The following PXDNL variants were observed in gnomAD, a reference collection of about 807,000 sequenced individuals.
PXDNL encodes peroxidasin like.
A neutral mutation model predicts 150.8 loss-of-function variants in PXDNL; 145 were observed. That is an observed-to-expected ratio of 0.96 (90% confidence interval 0.84 to 1.10). The LOEUF (loss-of-function observed/expected upper bound fraction) is 1.10. Ranked by LOEUF, PXDNL falls within the 50% of genes least tolerant of loss-of-function variation. PXDNL has a pLI of 0.00. For missense variants in PXDNL, 2,087 were observed against 1,873.9 expected, an observed-to-expected ratio of 1.11 and a Z score of -2.10; for synonymous variants, 757 against 725.7, an observed-to-expected ratio of 1.04 and a Z score of -0.69.
At chr8:51,468,044 A>C (rs191436801) in intron 8 of PXDNL, among the ~76,000 whole-genome samples, 180 of 152,162 alleles carry the variant, frequency 1.2e-3, no homozygotes, top group African/African-American at 3.9e-3. Flanking sequence ...ATTTTTATGA[A>C]ATTGATTCTT....
chr8:51,590,676 T>G (rs1585603179), intron 3 of PXDNL, among the ~76,000 whole-genome samples: 1 of 152,206 alleles, frequency 6.6e-6, no homozygotes, highest in Admixed American at 6.5e-5. Flanking sequence ...GTAATGGGAA[T>G]GTCTATCACA....
intron 5 of PXDNL, among the ~76,000 whole-genome samples, chr8:51,488,373 G>A (rs35683928): frequency 0.19 from 28,542 of 152,018 alleles, 2,881 homozygotes; most frequent in Middle Eastern, 0.25. Context: ...GGCAGAGGAG[G>A]GAGAAGTGAG....
chr8:51,404,120 T>C (rs1808361913), intron 17 of PXDNL, among the ~76,000 whole-genome samples: 2 of 152,226 alleles, frequency 1.3e-5, no homozygotes, highest in African/African-American at 4.8e-5. Flanking sequence ...GGAATGAAGC[T>C]GCATACCCTT....
At position 51,320,820 on chromosome 8, in the gene PXDNL, G is replaced by A. The variant is rs770443496; in HGVS notation, c.4224C>T (p.Arg1408=). The A allele has an allele frequency of 3.1e-6, 5 of 1,613,898 alleles. No individual in the cohort carries two copies. In the East Asian group the frequency reaches 1.1e-4, roughly 36 times the overall value. ...AGTGAGTGCAGTCTTCTTTCATCCA[G>A]CGCTCCTCGGCCTTCCTTGGAACCC... ...VRGVPRKAEE[R]WMKEDCTHCI... is the part of the protein sequence containing the mutation. The change falls in exon 22 of 23, where the codon CGC becomes CGT. Residue 1408 remains arginine (R), a synonymous_variant. Coordinates refer to ENST00000356297, the MANE Select transcript of PXDNL (RefSeq NM_144651.5).
chr8:51,533,524 C>A (rs868624697), intron 4 of PXDNL, among the ~76,000 whole-genome samples: 3 of 139,006 alleles, frequency 2.2e-5, no homozygotes, highest in Non-Finnish European at 4.6e-5. Context: ...TCTCCCTCCA[C>A]GGTCTCCCTC....
chr8:51,495,280 A>G (rs1563437890), intron 5 of PXDNL, among the ~76,000 whole-genome samples: 1 of 152,214 alleles, frequency 6.6e-6, no homozygotes, highest in Non-Finnish European at 1.5e-5. Context: ...CATTCAAAGC[A>G]GTGTGTAGAG....
At chr8:51,701,946 G>T (rs1190787149) in intron 1 of PXDNL, among the ~76,000 whole-genome samples, 1 of 152,140 alleles carries the variant, frequency 6.6e-6, no homozygotes. Flanking sequence ...CCTGAAGCCT[G>T]AGCCCCATCC....
chr8:51,331,515 C>T (rs1043317637), intron 21 of PXDNL, among the ~76,000 whole-genome samples: 1 of 152,188 alleles, frequency 6.6e-6, no homozygotes, highest in Non-Finnish European at 1.5e-5. Flanking sequence ...ATCCGGCTTA[C>T]AGACATCACA....
intron 1 of PXDNL, among the ~76,000 whole-genome samples, chr8:51,744,926 GAAAAA>G (rs1159819263): frequency 5.7e-4 from 50 of 87,222 alleles, no homozygotes; most frequent in African/African-American, 2.4e-3. Context: ...AGGAAAGAAA[GAAAAA>G]GAAAGAAAGA....
At chr8:51,757,268 C>T (rs929332830) in intron 1 of PXDNL, among the ~76,000 whole-genome samples, 4 of 152,080 alleles carry the variant, frequency 2.6e-5, no homozygotes, top group Non-Finnish European at 5.9e-5. Context: ...TGAAAAATTG[C>T]AGTCATTATT....
At chr8:51,783,351 G>T (rs995918139) in intron 1 of PXDNL, among the ~76,000 whole-genome samples, 1 of 152,154 alleles carries the variant, frequency 6.6e-6, no homozygotes, top group African/African-American at 2.4e-5. Flanking sequence ...CTGCTGAGTC[G>T]AATAACACGT....
At chr8:51,555,958 G>A (rs995826719) in intron 4 of PXDNL, among the ~76,000 whole-genome samples, 5 of 152,016 alleles carry the variant, frequency 3.3e-5, no homozygotes, top group South Asian at 2.1e-4. Flanking sequence ...CTAAGATAGC[G>A]GTCAGTTTGA....
At position 51,453,581 on chromosome 8, in the gene PXDNL, A is replaced by G; in HGVS notation, c.1187T>C (p.Phe396Ser). Residue 396 changes from phenylalanine to serine, a missense_variant, in exon 10 of 23, where the codon TTT (phenylalanine) becomes TCT (serine). By Grantham distance (155) the Phe-to-Ser change is radical. Coordinates refer to ENST00000356297, the MANE Select transcript of PXDNL (RefSeq NM_144651.5). ...GTGGCTATTGTTGGCATGACAGGTAAATCGACCATGATCCCGTTGTGTGAT... is the reference window on the plus strand; with the variant it reads ...GTGGCTATTGTTGGCATGACAGGTAGATCGACCATGATCCCGTTGTGTGAT... The part of the protein sequence containing the change: ...QNITQRDHGR[F>S]TCHANNSHGT... 6.2e-7 allele frequency: 1 copy of G among 1,614,032 alleles called. No homozygotes were observed. Among genetic ancestry groups the G allele is most frequent in the Non-Finnish European group, 8.5e-7 (1 of 1,179,890 alleles).
intron 21 of PXDNL, among the ~76,000 whole-genome samples, chr8:51,321,469 CAA>C (rs1197185030): frequency 6.6e-6 from 1 of 152,032 alleles, no homozygotes; most frequent in Non-Finnish European, 1.5e-5. Flanking sequence ...TGTCCCCACC[CAA>C]TCTCATGTTG....
At chr8:51,360,338 C>T (rs1211232576) in intron 19 of PXDNL, among the ~76,000 whole-genome samples, 1 of 152,180 alleles carries the variant, frequency 6.6e-6, no homozygotes, top group Non-Finnish European at 1.5e-5. Flanking sequence ...TCTGCATATA[C>T]ACACCTGTAC....
chr8:51,565,007 G>T (rs1585583579), intron 3 of PXDNL, among the ~76,000 whole-genome samples: 1 of 151,860 alleles, frequency 6.6e-6, no homozygotes, highest in East Asian at 1.9e-4. Flanking sequence ...CAGTACGATG[G>T]TGAATAGGGA....
In PXDNL at chr8:51,535,729, A is replaced by AT. The variant is rs1209761188; in HGVS notation, c.380+21110dup. ...GAATGATCAATAAAAAAATAAATAA[A>AT]TAAATAAATAAAAATAAAGTTTGAG... On this transcript the variant is annotated intron_variant, in intron 4 of 22. Transcript: ENST00000356297. Among the ~76,000 whole-genome samples, 139 of 136,942 alleles carry AT rather than the reference A, an allele frequency of 1.0e-3. 1 individual carries two copies. Among genetic ancestry groups the AT allele is most frequent in the African/African-American group, 4.1e-3 (130 of 31,474 alleles). The allele number at this position is 136,942 out of a possible 152,430, so 89.8% of individuals were successfully genotyped here.
chr8:51,644,704 G>C (rs993693076), intron 2 of PXDNL, among the ~76,000 whole-genome samples: 1 of 151,522 alleles, frequency 6.6e-6, no homozygotes, highest in Non-Finnish European at 1.5e-5. Flanking sequence ...TGATCCACCC[G>C]CCTCGGCCTC....
At chr8:51,503,737 C>T (rs1473869179) in intron 4 of PXDNL, among the ~76,000 whole-genome samples, 1 of 152,162 alleles carries the variant, frequency 6.6e-6, no homozygotes, top group East Asian at 1.9e-4. Flanking sequence ...GAAATTATTG[C>T]CATTGTCATG....
Sources: gnomAD v4.1 joint callset for allele counts (sites outside exome capture counted in the v4.1 genomes callset) on GRCh38, gnomAD v4.1.1 for gene constraint, MANE v1.5 for transcripts, NCBI Gene and HGNC (gene_info 2026-07-23, HGNC 2026-07-21) for gene names.